Variants in TMTC1 observed in about 807,000 individuals in gnomAD.
TMTC1 encodes the protein protein O-mannosyl-transferase TMTC1.
TMTC1 carries 73 observed loss-of-function variants against 104.8 expected under a neutral mutation model. The observed-to-expected ratio is 0.70, with a 90% CI of 0.58 to 0.85. TMTC1 has a LOEUF of 0.85. TMTC1 is among the 40% of genes least tolerant of loss of function. The pLI is 0.00. For synonymous variants in TMTC1, 434 were observed against 428.7 expected (o/e 1.01, Z -0.15); for missense variants, 1,035 against 1,096.1 (o/e 0.94, Z 0.79).
intron 7 of TMTC1, among the ~76,000 whole-genome samples, chr12:29,585,833 T>C (rs1444608369): frequency 6.6e-6 from 1 of 152,224 alleles, no homozygotes; most frequent in Admixed American, 6.5e-5. Context: ...GCTGTTTTGG[T>C]TACTGTAGGC....
intron 6 of TMTC1, among the ~76,000 whole-genome samples, chr12:29,619,542 CT>C (rs1277602213): frequency 6.6e-6 from 1 of 152,192 alleles, no homozygotes; most frequent in Non-Finnish European, 1.5e-5. Context: ...GTTCCAACCC[CT>C]GATACTGAGG....
chr12:29,697,950 G>C (rs1349509030), intron 5 of TMTC1, among the ~76,000 whole-genome samples: 1 of 152,150 alleles, frequency 6.6e-6, no homozygotes, highest in Non-Finnish European at 1.5e-5. Flanking sequence ...TAGGCACCCG[G>C]TGGTCTAGCC....
At chr12:29,508,533 A>G (rs1943750149) in intron 17 of TMTC1, among the ~76,000 whole-genome samples, 1 of 152,026 alleles carries the variant, frequency 6.6e-6, no homozygotes, top group Non-Finnish European at 1.5e-5. Flanking sequence ...GTCCTTTCAC[A>G]CAGAACGCAG....
At chr12:29,698,015 C>A (rs777393242) in intron 5 of TMTC1, among the ~76,000 whole-genome samples, 5 of 152,142 alleles carry the variant, frequency 3.3e-5, no homozygotes, top group Non-Finnish European at 4.4e-5. Context: ...TATGATTATT[C>A]TTTAAATTAA....
At chr12:29,580,833 C>A (rs159695) in intron 8 of TMTC1, among the ~76,000 whole-genome samples, 87,812 of 151,528 alleles carry the variant, frequency 0.58, 26,646 homozygotes, top group Non-Finnish European at 0.67. Context: ...GGGTTTAACA[C>A]TATATTATAA....
intron 5 of TMTC1, among the ~76,000 whole-genome samples, chr12:29,705,299 A>C (rs1265788034): frequency 6.6e-6 from 1 of 152,250 alleles, no homozygotes; most frequent in Non-Finnish European, 1.5e-5. Context: ...AAGAGACTAG[A>C]ATATGCTACT....
At chr12:29,623,745 G>A (rs1202866207) in intron 6 of TMTC1, among the ~76,000 whole-genome samples, 3 of 152,046 alleles carry the variant, frequency 2.0e-5, no homozygotes, top group Non-Finnish European at 2.9e-5. Context: ...CCCGGGAGAC[G>A]GAGGTTGCAG....
At chr12:29,784,542 C>G (rs1038869222), upstream of TMTC1, 2 of 152,354 alleles carry the variant, frequency 1.3e-5, no homozygotes, top group East Asian at 1.9e-4. Flanking sequence ...GAAGGGGTCT[C>G]CCTGGACAAG....
intron 5 of TMTC1, among the ~76,000 whole-genome samples, chr12:29,738,635 C>T (rs79874071): frequency 0.044 from 6,734 of 152,208 alleles, 193 homozygotes; most frequent in African/African-American, 0.073. Context: ...TGCTTGGACA[C>T]AACACACATA....
chr12:29,760,320 A>G (rs1293120989), intron 2 of TMTC1, among the ~76,000 whole-genome samples: 2 of 152,216 alleles, frequency 1.3e-5, no homozygotes, highest in East Asian at 3.8e-4. Context: ...TTCCTTCATT[A>G]AAAAGCCAGT....
chr12:29,750,882 C>A (rs1943073860), intron 5 of TMTC1, among the ~76,000 whole-genome samples: 2 of 152,206 alleles, frequency 1.3e-5, no homozygotes, highest in Admixed American at 1.3e-4. Context: ...GGCTACTACT[C>A]CCCTTTAACC....
intron 8 of TMTC1, among the ~76,000 whole-genome samples, chr12:29,580,776 G>T (rs1945957420): frequency 6.6e-6 from 1 of 152,142 alleles, no homozygotes; most frequent in East Asian, 1.9e-4. Context: ...GACAGCCTGA[G>T]TTGGTCTTAG....
intron 8 of TMTC1, among the ~76,000 whole-genome samples, 179 bp downstream of exon 8, chr12:29,583,228 T>C (rs1261155240): frequency 6.6e-6 from 1 of 152,210 alleles, no homozygotes; most frequent in Non-Finnish European, 1.5e-5. Context: ...GTTTTATATA[T>C]CATTTTAAAA....
chr12:29,602,264 C>A (rs1333117594), intron 7 of TMTC1, among the ~76,000 whole-genome samples: 1 of 152,180 alleles, frequency 6.6e-6, no homozygotes, highest in Admixed American at 6.5e-5. Flanking sequence ...ACCTTAGTCT[C>A]CTGAGTAGCT....
intron 9 of TMTC1, among the ~76,000 whole-genome samples, chr12:29,570,382 C>A (rs1945634443): frequency 6.6e-6 from 1 of 152,126 alleles, no homozygotes; most frequent in African/African-American, 2.4e-5. Flanking sequence ...AACTGTCTTC[C>A]AATGAAAGAA....
intron 9 of TMTC1, among the ~76,000 whole-genome samples, chr12:29,565,507 C>A (rs1183058538): frequency 2.0e-5 from 3 of 152,162 alleles, no homozygotes; most frequent in African/African-American, 7.2e-5. Flanking sequence ...TTACATTATA[C>A]CTCAGTTACC....
At position 29,783,403 on chromosome 12, in the gene TMTC1, G is replaced by A; in HGVS notation, c.302+47C>T. On this transcript the variant is annotated intron_variant, in intron 1 of 17. Coordinates refer to ENST00000539277, the MANE Select transcript of TMTC1 (RefSeq NM_001193451.2). The surrounding 1 kb of genome is among the most constrained non-coding windows in gnomAD (Gnocchi z 4.7). The stretch of plus-strand genomic sequence containing the variant: ...ACTTCTCCCGGTCCGAGGGACGGGC[G>A]GAGGGTAGAGGAGGCAGCGGCGGCT... The A allele has an allele frequency of 7.9e-7, 1 of 1,265,136 alleles. No homozygotes were observed. Among genetic ancestry groups the A allele is most frequent in the East Asian group, 3.1e-5 (1 of 31,784 alleles). The allele number at this position is 1,265,136 out of a possible 1,614,324, so 78.4% of individuals were successfully genotyped here. A position where few individuals can be genotyped will look rare whatever the true frequency, so the allele number is the denominator to read the frequency against.
chr12:29,668,200 T>C (rs1224039245), intron 5 of TMTC1, among the ~76,000 whole-genome samples: 2 of 152,208 alleles, frequency 1.3e-5, no homozygotes, highest in Non-Finnish European at 2.9e-5. Context: ...ATTTATTTCT[T>C]CTAGTCCTGG....
intron 9 of TMTC1, among the ~76,000 whole-genome samples, chr12:29,561,462 T>G (rs887415755): frequency 6.6e-5 from 10 of 152,214 alleles, no homozygotes; most frequent in African/African-American, 2.4e-4. Flanking sequence ...AAAATTTGTC[T>G]TCTGTCATAC....
Sources: allele counts gnomAD v4.1 joint callset (sites outside exome capture counted in the v4.1 genomes callset), GRCh38; gene constraint gnomAD v4.1.1; non-coding constraint Gnocchi (gnomAD v3.1); transcripts MANE v1.5; gene names NCBI Gene and HGNC (gene_info 2026-07-23, HGNC 2026-07-21).